PODXL: variants seen among roughly 807,000 people sequenced by gnomAD.
The protein encoded by PODXL is podocalyxin like.
PODXL carries 20 observed loss-of-function variants against 48.9 expected under a neutral mutation model. The ratio of observed to expected loss-of-function variants is 0.41; its 90% CI spans 0.29 to 0.59. The LOEUF is 0.59. Ranked by LOEUF, PODXL falls within the 20% of genes least tolerant of loss-of-function variation. PODXL has a pLI of 0.31. For missense variants in PODXL, 606 were observed against 675.1 expected (o/e 0.90, Z 1.13); for synonymous variants, 295 against 287.4 (o/e 1.03, Z -0.27).
chr7:131,520,184 C>A, intron 1 of PODXL: 1 of 297,584 alleles, frequency 3.4e-6, no homozygotes, highest in South Asian at 3.8e-5. Flanking sequence ...GTTCTACCAT[C>A]AACGAGGTGG....
At chr7:131,542,413 T>G (rs368429140) in intron 1 of PODXL, among the ~76,000 whole-genome samples, 3 of 152,232 alleles carry the variant, frequency 2.0e-5, no homozygotes, top group South Asian at 4.2e-4. Flanking sequence ...CCCAGCACTT[T>G]GGGAGGCTGA....
intron 1 of PODXL, among the ~76,000 whole-genome samples, chr7:131,527,721 G>T (rs1411302499): frequency 6.6e-6 from 1 of 152,126 alleles, no homozygotes; most frequent in Non-Finnish European, 1.5e-5. Context: ...GAGGGAGCTG[G>T]GACAGTCAAG....
intron 1 of PODXL, among the ~76,000 whole-genome samples, chr7:131,547,494 G>A (rs985281250): frequency 9.3e-5 from 14 of 151,022 alleles, no homozygotes; most frequent in African/African-American, 2.7e-4. Flanking sequence ...CTATTTTCCC[G>A]CTGGAGAAGC....
intron 1 of PODXL, among the ~76,000 whole-genome samples, chr7:131,544,491 T>G (rs1798532784): frequency 6.6e-6 from 1 of 152,114 alleles, no homozygotes; most frequent in Non-Finnish European, 1.5e-5. Flanking sequence ...ACAAGCTCTC[T>G]AGAACCCCAG....
At chr7:131,552,846 G>T (rs1010946891) in intron 1 of PODXL, among the ~76,000 whole-genome samples, 6 of 152,106 alleles carry the variant, frequency 3.9e-5, no homozygotes, top group Admixed American at 1.3e-4. Context: ...GAGAGCAGTG[G>T]CGTGATCTTG....
intron 8 of PODXL, among the ~76,000 whole-genome samples, chr7:131,504,860 A>T (rs577847164): frequency 6.6e-6 from 1 of 152,082 alleles, no homozygotes; most frequent in Non-Finnish European, 1.5e-5. Context: ...TGGGAAAAAC[A>T]CTATTAAAAA....
chr7:131,556,235 G>A (rs1332354136), intron 1 of PODXL, 25 bp downstream of exon 1: 3 of 1,458,510 alleles, frequency 2.1e-6, no homozygotes, highest in South Asian at 2.7e-5. Flanking sequence ...TGGGAGTCCC[G>A]GCGGAACCCA....
intron 4 of PODXL, 35 bp downstream of exon 4, chr7:131,509,330 G>C: frequency 1.3e-6 from 2 of 1,513,230 alleles, no homozygotes; most frequent in South Asian, 1.1e-5. Flanking sequence ...CCCGAGTCTG[G>C]GTTCTCCTAC....
intron 1 of PODXL, among the ~76,000 whole-genome samples, chr7:131,514,142 G>A (rs1341768049): frequency 6.6e-6 from 1 of 152,206 alleles, no homozygotes; most frequent in African/African-American, 2.4e-5. Flanking sequence ...TACAGGCTGG[G>A]TGCGGTGGCT....
rs137907090 is a variant in PODXL at position 131,510,827 on chromosome 7, C to T, written c.706+1G>A. 15 of 1,613,974 alleles carry T rather than the reference C, an allele frequency of 9.3e-6. No homozygotes were observed. Among genetic ancestry groups the T allele is most frequent in the African/African-American group, 5.3e-5 (4 of 74,900 alleles). On this transcript the variant is annotated splice_donor_variant, in intron 2 of 8. Transcript: ENST00000378555. LOFTEE classifies it high-confidence loss of function. ...CTTGAAGAAAACCAGGCATTACTTA[C>T]GTAGGGTGGTGGTCATCCCCGGGCT...
chr7:131,509,476 T>G lies in PODXL; in HGVS notation c.912A>C (p.Ala304=), dbSNP rs1797872655. Residue 304 remains alanine (A), a synonymous_variant, in exon 4 of 9, where the codon GCA becomes GCC. Transcript: ENST00000378555. ...ETVQPTSPAT[A]LRTPTLPETM... is the part of the protein sequence containing the mutation. ...TCTCTGGCAGGGTAGGTGTTCTCAA[T>G]GCCGTTGCCGGGCTCGTGGGCTGCA... The G allele has an allele frequency of 1.2e-6, 2 of 1,613,948 alleles. No homozygotes were observed. The highest frequency in any genetic ancestry group is 2.2e-5 in the South Asian group (2 of 91,036).
chr7:131,537,658 G>A (rs894597478), intron 1 of PODXL, among the ~76,000 whole-genome samples: 1 of 134,912 alleles, frequency 7.4e-6, no homozygotes, highest in African/African-American at 2.8e-5. Context: ...TGTCCTCGAG[G>A]GAATACACAC....
chr7:131,509,628 C>T lies in PODXL; in HGVS notation c.803-43G>A, dbSNP rs771814151. The stretch of plus-strand genomic sequence containing the variant: ...AGGGTAATGAGAAAAGATGAGTGCA[C>T]CCTTGCGAGAAGAGGACAATCTTTT... On this transcript the variant is annotated intron_variant, in intron 3 of 8. Coordinates refer to ENST00000378555, the MANE Select transcript of PODXL (RefSeq NM_001018111.3). 8 of 1,325,896 alleles carry T rather than the reference C, an allele frequency of 6.0e-6. No individual in the cohort carries two copies. In the Admixed American group the frequency reaches 1.4e-4, roughly 23 times the overall value. 82.1% of individuals were successfully genotyped at this position (1,325,896 alleles called of 1,614,324 possible). A position where few individuals can be genotyped will look rare whatever the true frequency, so the allele number is the denominator to read the frequency against.
intron 1 of PODXL, among the ~76,000 whole-genome samples, chr7:131,541,214 T>C (rs912142699): frequency 8.5e-5 from 13 of 152,108 alleles, no homozygotes; most frequent in Non-Finnish European, 1.3e-4. Context: ...AAGCTAAAAC[T>C]ATCACCTATC....
chr7:131,515,126 T>C (rs570723154), intron 1 of PODXL, among the ~76,000 whole-genome samples: 4 of 152,266 alleles, frequency 2.6e-5, no homozygotes, highest in Admixed American at 2.6e-4. Flanking sequence ...TCTCCAGATA[T>C]TGCCAAATGT....
At chr7:131,551,552 A>C (rs187766562) in intron 1 of PODXL, among the ~76,000 whole-genome samples, 4 of 152,328 alleles carry the variant, frequency 2.6e-5, no homozygotes, top group Admixed American at 2.0e-4. Context: ...GGGTGTGAAG[A>C]AGCAGCACTT....
At chr7:131,515,746 C>G (rs962825360) in intron 1 of PODXL, among the ~76,000 whole-genome samples, 2 of 151,820 alleles carry the variant, frequency 1.3e-5, no homozygotes, top group Non-Finnish European at 2.9e-5. Flanking sequence ...GTAGATGAAT[C>G]AGACTACCCA....
At chr7:131,534,767 T>C (rs542887910) in intron 1 of PODXL, among the ~76,000 whole-genome samples, 1 of 152,154 alleles carries the variant, frequency 6.6e-6, no homozygotes, top group African/African-American at 2.4e-5. Context: ...TTAATACACA[T>C]GGCCGGGTGT....
At chr7:131,506,895 G>C in intron 5 of PODXL, 169 bp from the exon 6 acceptor site, 10 of 668,432 alleles carry the variant, frequency 1.5e-5, no homozygotes, top group South Asian at 1.5e-4. Context: ...ATCAAGGGTT[G>C]CATGCTGTTC....
Sources: allele counts gnomAD v4.1 joint callset (sites outside exome capture counted in the v4.1 genomes callset), GRCh38; gene constraint gnomAD v4.1.1; transcripts MANE v1.5; gene names NCBI Gene and HGNC (gene_info 2026-07-23, HGNC 2026-07-21).